Variants in MICOS10 observed in about 807,000 individuals in gnomAD.
The protein encoded by MICOS10 is mitochondrial contact site and cristae organizing system subunit 10, also known as MICOS complex subunit MIC10.
MICOS10 carries 5 observed loss-of-function variants against 13.4 expected under a neutral mutation model. The ratio of observed to expected loss-of-function variants is 0.37; its 90% CI spans 0.20 to 0.78. MICOS10 has a LOEUF of 0.78. Among genes scored for constraint, MICOS10 ranks in the 30% least tolerant of loss-of-function variants. The pLI is 0.47. For synonymous variants in MICOS10, 35 were observed against 33.6 expected (o/e 1.04, Z -0.15); for missense variants, 101 against 94.6 (o/e 1.07, Z -0.28).
At chr1:19,622,389 TATG>T (rs1190227250) in intron 2 of MICOS10, among the ~76,000 whole-genome samples, 1 of 152,232 alleles carries the variant, frequency 6.6e-6, no homozygotes, top group Non-Finnish European at 1.5e-5. Context: ...TTATCCTAAA[TATG>T]ATATCATTGC....
intron 1 of MICOS10, among the ~76,000 whole-genome samples, chr1:19,599,438 G>A (rs2094805543): frequency 6.6e-6 from 1 of 152,190 alleles, no homozygotes; most frequent in South Asian, 2.1e-4. Flanking sequence ...CTCATGCGTA[G>A]AACGTTGATA....
intron 1 of MICOS10, among the ~76,000 whole-genome samples, chr1:19,609,120 C>A (rs1446536509): frequency 1.3e-5 from 2 of 149,594 alleles, no homozygotes; most frequent in Non-Finnish European, 3.0e-5. Context: ...CATCAGCCTC[C>A]TAAGTAGCTA....
At chr1:19,620,764 G>T (rs180885787) in intron 1 of MICOS10, among the ~76,000 whole-genome samples, 111 of 152,320 alleles carry the variant, frequency 7.3e-4, no homozygotes, top group African/African-American at 2.1e-3. Context: ...CTTTTTGATT[G>T]AGTGGTACGG....
intron 1 of MICOS10, among the ~76,000 whole-genome samples, chr1:19,615,377 T>TC (rs113726545): frequency 0.084 from 12,768 of 152,268 alleles, 628 homozygotes; most frequent in African/African-American, 0.12. Flanking sequence ...TCCTCACTAT[T>TC]CCCCAGTTGC....
chr1:19,623,777 A>T (rs1232410055), intron 3 of MICOS10, 194 bp downstream of exon 3: 10 of 531,264 alleles, frequency 1.9e-5, no homozygotes, highest in Non-Finnish European at 3.0e-5. Context: ...GTGCCTTCAG[A>T]TGCGTATGTA....
intron 1 of MICOS10, among the ~76,000 whole-genome samples, chr1:19,602,651 AT>A (rs1418076139): frequency 3.3e-5 from 5 of 152,134 alleles, no homozygotes; most frequent in Non-Finnish European, 1.5e-5. Context: ...GGTTTTGCTT[AT>A]TTTATGGATT....
intron 3 of MICOS10, 50 bp downstream of exon 3, chr1:19,623,633 C>A: frequency 7.6e-7 from 1 of 1,317,836 alleles, no homozygotes; most frequent in Non-Finnish European, 1.1e-6. Flanking sequence ...AAAGATTTCT[C>A]CTGAGCCCTG....
At chr1:19,597,651 T>C (rs1460896292) in intron 1 of MICOS10, among the ~76,000 whole-genome samples, 1 of 152,198 alleles carries the variant, frequency 6.6e-6, no homozygotes, top group Admixed American at 6.5e-5. Flanking sequence ...AGAGGGGTGA[T>C]GATCTGGAAT....
At position 19,629,663 on chromosome 1, in the gene MICOS10, G is replaced by A. The variant is rs1440547456; in HGVS notation, c.*3262G>A. The A allele has an allele frequency of 2.0e-5, 3 of 152,202 alleles. No homozygotes were observed. The highest frequency in any genetic ancestry group is 2.9e-5 in the Non-Finnish European group (2 of 68,036). The allele number at this position is 152,202 out of a possible 1,614,324, so 9.4% of individuals were successfully genotyped here. On this transcript the variant is annotated 3_prime_UTR_variant, in exon 4 of 4. Coordinates refer to ENST00000322753, the MANE Select transcript of MICOS10 (RefSeq NM_001032363.4). ...AGGGGTTGGGAATGGAGGAGATGACGATGTAGTTTTGCTTTTAGTTTTCCC... is the reference window on the plus strand; with the variant it reads ...AGGGGTTGGGAATGGAGGAGATGACAATGTAGTTTTGCTTTTAGTTTTCCC...
At chr1:19,614,132 G>A (rs2094874208) in intron 1 of MICOS10, among the ~76,000 whole-genome samples, 1 of 151,644 alleles carries the variant, frequency 6.6e-6, no homozygotes, top group African/African-American at 2.4e-5. Context: ...CTGGAGTGTG[G>A]TGGCGTGATG....
chr1:19,601,592 G>T (rs1489614204), intron 1 of MICOS10, among the ~76,000 whole-genome samples: 2 of 143,894 alleles, frequency 1.4e-5, no homozygotes, highest in African/African-American at 5.1e-5. Flanking sequence ...AAAAAAAAAA[G>T]AAAAGAAAAA....
chr1:19,612,573 A>G (rs2094867847), intron 1 of MICOS10, among the ~76,000 whole-genome samples: 2 of 152,022 alleles, frequency 1.3e-5, no homozygotes, highest in East Asian at 3.9e-4. Flanking sequence ...AAATACAAAA[A>G]TTAACTGGGT....
intron 1 of MICOS10, among the ~76,000 whole-genome samples, chr1:19,612,926 C>G (rs948972553): frequency 6.6e-6 from 1 of 152,144 alleles, no homozygotes; most frequent in Non-Finnish European, 1.5e-5. Context: ...TATCTTTGTC[C>G]GTGAGGCTTT....
intron 1 of MICOS10, among the ~76,000 whole-genome samples, chr1:19,612,173 A>G (rs2745228): frequency 0.11 from 16,277 of 147,966 alleles, 3,011 homozygotes; most frequent in African/African-American, 0.38. Flanking sequence ...CTCCCAAGTA[A>G]TTGGGACTAC....
Position 19,597,072 on chromosome 1 carries a change from G to A in MICOS10, c.27G>A (p.Lys9=), listed in dbSNP as rs745462572. The A allele has an allele frequency of 4.4e-6, 7 of 1,597,182 alleles. No homozygotes were observed. Among genetic ancestry groups the A allele is most frequent in the Middle Eastern group, 1.7e-4 (1 of 6,000 alleles). The change falls in exon 1 of 4, where the codon AAG becomes AAA. Residue 9 remains lysine (K), a synonymous_variant. Transcript: ENST00000322753. MSESELGR[K]WDRCLADAVV... The stretch of plus-strand genomic sequence containing the variant: ...TGTCTGAGTCGGAGCTCGGCAGGAA[G>A]TGGGACCGGTGTCTGGCGGATGCGG...
chr1:19,621,687 A>G (rs2094904152), intron 1 of MICOS10, among the ~76,000 whole-genome samples: 1 of 152,186 alleles, frequency 6.6e-6, no homozygotes, highest in Admixed American at 6.5e-5. Flanking sequence ...AAAAGTAGCC[A>G]TCACTCCAAG....
intron 3 of MICOS10, 92 bp from the exon 4 acceptor site, chr1:19,626,295 C>G: frequency 6.6e-7 from 1 of 1,507,642 alleles, no homozygotes; most frequent in South Asian, 1.1e-5. Context: ...GTTTTGGCTT[C>G]TGGCCCTTTG....
Position 19,628,704 on chromosome 1 carries a change from AT to A in MICOS10, c.*2307del, listed in dbSNP as rs2094929830. The A allele has an allele frequency of 7.0e-6, 1 of 143,236 alleles. No homozygotes were observed. Among genetic ancestry groups the A allele is most frequent in the Non-Finnish European group, 1.5e-5 (1 of 66,214 alleles). 8.9% of individuals were successfully genotyped at this position (143,236 alleles called of 1,614,324 possible). ...TCAAAAAAAAAAAAAAAAAAAAAGC[AT>A]TTTCCTTCCCCAATTTTTCTGTCAT... On this transcript the variant is annotated 3_prime_UTR_variant, in exon 4 of 4. Coordinates refer to ENST00000322753, the MANE Select transcript of MICOS10 (RefSeq NM_001032363.4).
At chr1:19,624,884 T>C (rs2100336363) in intron 3 of MICOS10, among the ~76,000 whole-genome samples, 1 of 152,374 alleles carries the variant, frequency 6.6e-6, no homozygotes, top group South Asian at 2.1e-4. Flanking sequence ...TCAGGCTTAC[T>C]AAGGCATAAC....
Sources: gnomAD v4.1 joint callset for allele counts (sites outside exome capture counted in the v4.1 genomes callset) on GRCh38, gnomAD v4.1.1 for gene constraint, MANE v1.5 for transcripts, NCBI Gene and HGNC (gene_info 2026-07-23, HGNC 2026-07-21) for gene names.